PITPNB: variants seen among roughly 807,000 people sequenced by gnomAD.
PITPNB encodes the protein phosphatidylinositol transfer protein beta, also known as phosphatidylinositol transfer protein beta isoform.
PITPNB carries 16 observed loss-of-function variants against 45.9 expected under a neutral mutation model. That is an observed-to-expected ratio of 0.35 (90% confidence interval 0.24 to 0.53). The LOEUF (loss-of-function observed/expected upper bound fraction) is 0.53, where lower values mean the gene tolerates loss of function less well. Ranked by LOEUF, PITPNB falls within the 20% of genes least tolerant of loss-of-function variation. The pLI is 0.93. For synonymous variants in PITPNB, 112 were observed against 108.9 expected (o/e 1.03, Z -0.18); for missense variants, 188 against 330.5 (o/e 0.57, Z 3.34).
rs1431662337 is a variant in PITPNB, at chr22:27,910,980, T to C, written c.181A>G (p.Ile61Val). Reference sequence around the variant, plus strand: ...ACCGCTTACCTCTTTAGGTGATAAATTTTGTGCGTATACTGTCCCTTTTCT... The same window carrying C: ...ACCGCTTACCTCTTTAGGTGATAAACTTTGTGCGTATACTGTCCCTTTTCT... ...DGEKGQYTHK[I>V]YHLKSKVPAF... is the part of the protein sequence containing the mutation. Residue 61 changes from isoleucine (I) to valine (V), a missense_variant, in exon 3 of 12, where the codon ATT becomes GTT. Physicochemically the swap from Ile to Val is conservative, Grantham distance 29. Transcript: ENST00000335272. The C allele has an allele frequency of 1.9e-6, 3 of 1,613,234 alleles. No individual in the cohort carries two copies. Among genetic ancestry groups the C allele is most frequent in the Admixed American group, 3.3e-5 (2 of 60,008 alleles).
At chr22:27,871,700 G>T (rs1003930424) in intron 8 of PITPNB, among the ~76,000 whole-genome samples, 3 of 152,152 alleles carry the variant, frequency 2.0e-5, no homozygotes, top group Admixed American at 6.5e-5. Flanking sequence ...ATTTATAAGT[G>T]GTATATATCA....
At chr22:27,866,767 C>T (rs568496269) in intron 8 of PITPNB, among the ~76,000 whole-genome samples, 121 of 152,250 alleles carry the variant, frequency 7.9e-4, no homozygotes, top group African/African-American at 2.8e-3. Flanking sequence ...TTTCATTTTT[C>T]AATTTTAGGC....
At chr22:27,864,068 C>T (rs1934411836) in intron 8 of PITPNB, among the ~76,000 whole-genome samples, 1 of 152,100 alleles carries the variant, frequency 6.6e-6, no homozygotes, top group Non-Finnish European at 1.5e-5. Context: ...AGAACACGTA[C>T]CCAACTAAAA....
intron 6 of PITPNB, among the ~76,000 whole-genome samples, chr22:27,896,191 T>C (rs921711452): frequency 3.9e-5 from 6 of 152,214 alleles, no homozygotes; most frequent in Non-Finnish European, 5.9e-5. Context: ...ATTAAAGCAA[T>C]CAATCCTGCT....
intron 7 of PITPNB, among the ~76,000 whole-genome samples, chr22:27,893,646 GTGGTACGATCACGGCTCAC>G (rs1016537963): frequency 6.9e-6 from 1 of 145,508 alleles, no homozygotes; most frequent in Non-Finnish European, 1.5e-5. Flanking sequence ...CTGGGGTGCA[GTGGTACGATCACGGCTCAC>G]TGCAACCTCA....
At chr22:27,889,172 G>T (rs1935204435) in intron 7 of PITPNB, among the ~76,000 whole-genome samples, 2 of 152,198 alleles carry the variant, frequency 1.3e-5, no homozygotes, top group Admixed American at 1.3e-4. Context: ...CTGATAACCT[G>T]AGGGAGGAGG....
At chr22:27,911,899 A>G (rs766304957) in intron 2 of PITPNB, among the ~76,000 whole-genome samples, 19 of 152,318 alleles carry the variant, frequency 1.2e-4, no homozygotes, top group Non-Finnish European at 2.2e-4. Flanking sequence ...GGCCTCCATC[A>G]ATACCTGTAA....
intron 3 of PITPNB, 48 bp downstream of exon 3, chr22:27,910,916 A>G: frequency 2.0e-6 from 3 of 1,484,936 alleles, no homozygotes; most frequent in South Asian, 1.2e-5. Context: ...TACATGCATC[A>G]TAAGTAAGCC....
chr22:27,870,870 T>C, intron 8 of PITPNB, among the ~76,000 whole-genome samples: 1 of 152,376 alleles, frequency 6.6e-6, no homozygotes, highest in African/African-American at 2.4e-5. Context: ...TTATCAGTTA[T>C]TCTTGACTGC....
chr22:27,873,097 G>A (rs781549012), intron 8 of PITPNB, among the ~76,000 whole-genome samples: 5 of 151,996 alleles, frequency 3.3e-5, no homozygotes, highest in Non-Finnish European at 7.4e-5. Context: ...GAGAAACCCC[G>A]TCTCCACTAA....
At chr22:27,910,779 A>G in intron 3 of PITPNB, 185 bp downstream of exon 3, 1 of 509,156 alleles carries the variant, frequency 2.0e-6, no homozygotes, top group South Asian at 3.4e-5. Flanking sequence ...AATTTTTGTT[A>G]TAAGCAGATA....
intron 7 of PITPNB, among the ~76,000 whole-genome samples, chr22:27,880,139 A>G (rs1337816455): frequency 6.6e-6 from 1 of 152,128 alleles, no homozygotes; most frequent in African/African-American, 2.4e-5. Flanking sequence ...GGGAAGTGAA[A>G]TTCTTTGCCA....
chr22:27,871,047 A>AG (rs1491426387), intron 8 of PITPNB, among the ~76,000 whole-genome samples: 2 of 151,834 alleles, frequency 1.3e-5, no homozygotes, highest in Non-Finnish European at 2.9e-5. Context: ...TGTTTAACAC[A>AG]GGGGGGAAAA....
intron 7 of PITPNB, among the ~76,000 whole-genome samples, chr22:27,879,177 C>T (rs1018719644): frequency 5.9e-5 from 9 of 152,168 alleles, no homozygotes; most frequent in Non-Finnish European, 1.3e-4. Context: ...TCTTTCTGAT[C>T]TTATCCTTAT....
chr22:27,868,869 C>T (rs147698632), intron 8 of PITPNB, among the ~76,000 whole-genome samples: 46 of 152,188 alleles, frequency 3.0e-4, no homozygotes, highest in African/African-American at 1.0e-3. Context: ...CCTTTAGAGG[C>T]CTAATTATTA....
chr22:27,875,863 G>A (rs1240586328), intron 7 of PITPNB, among the ~76,000 whole-genome samples: 2 of 152,116 alleles, frequency 1.3e-5, no homozygotes, highest in Non-Finnish European at 2.9e-5. Flanking sequence ...AGCAAGCAAA[G>A]AACAGGTAAC....
At chr22:27,890,924 G>A (rs1482064856) in intron 7 of PITPNB, among the ~76,000 whole-genome samples, 1 of 152,222 alleles carries the variant, frequency 6.6e-6, no homozygotes, top group Non-Finnish European at 1.5e-5. Context: ...CACACACTAC[G>A]AAGATGAATC....
At chr22:27,858,151 C>A (rs1379491117) in intron 10 of PITPNB, among the ~76,000 whole-genome samples, 1 of 152,132 alleles carries the variant, frequency 6.6e-6, no homozygotes, top group South Asian at 2.1e-4. Flanking sequence ...TAACAGGTAA[C>A]CAATTCTAGA....
chr22:27,853,350 A>G lies in PITPNB; in HGVS notation c.*352T>C. On this transcript the variant is annotated 3_prime_UTR_variant, in exon 12 of 12. Transcript: ENST00000335272. The stretch of plus-strand genomic sequence containing the variant: ...ATCTGTTCCAGGTATATATATTGAA[A>G]ATATTTTCTTTTGCATTCTTGCTGA... 1 of 408,558 alleles carries G rather than the reference A, an allele frequency of 2.4e-6. No individual in the cohort carries two copies. Among genetic ancestry groups the G allele is most frequent in the Non-Finnish European group, 4.3e-6 (1 of 230,692 alleles). The allele number at this position is 408,558 out of a possible 1,614,324, so 25.3% of individuals were successfully genotyped here. A position where few individuals can be genotyped will look rare whatever the true frequency, so the allele number is the denominator to read the frequency against.
Sources: allele counts gnomAD v4.1 joint callset (sites outside exome capture counted in the v4.1 genomes callset), GRCh38; gene constraint gnomAD v4.1.1; transcripts MANE v1.5; gene names NCBI Gene and HGNC (gene_info 2026-07-23, HGNC 2026-07-21).